The following GRIN2B variants were observed in gnomAD, a reference collection of about 807,000 sequenced individuals.
GRIN2B encodes the protein glutamate receptor ionotropic, NMDA 2B.
GRIN2B carries 5 observed loss-of-function variants against 114.5 expected under a neutral mutation model. The observed-to-expected ratio is 0.04, with a 90% confidence interval of 0.02 to 0.09. The LOEUF (loss-of-function observed/expected upper bound fraction) is 0.09, where lower values mean the gene tolerates loss of function less well. GRIN2B is among the 10% of genes least tolerant of loss of function. The pLI, the probability that GRIN2B is intolerant of heterozygous loss-of-function variation, is 1.00. For synonymous variants in GRIN2B, 787 were observed against 745.1 expected, an observed-to-expected ratio of 1.06 and a Z score of -0.92; for missense variants, 1,108 against 1,943.5, an observed-to-expected ratio of 0.57 and a Z score of 8.08.
At chr12:13,865,369 C>T (rs1205173072) in intron 3 of GRIN2B, among the ~76,000 whole-genome samples, 2 of 152,202 alleles carry the variant, frequency 1.3e-5, no homozygotes, top group African/African-American at 4.8e-5. Flanking sequence ...CGGTGGCTCA[C>T]GCCTGTAATC....
chr12:13,900,246 G>T (rs1866422225), intron 2 of GRIN2B, among the ~76,000 whole-genome samples: 1 of 152,056 alleles, frequency 6.6e-6, no homozygotes, highest in South Asian at 2.1e-4. Context: ...GGCCAAGGAG[G>T]GTGGATCACC....
At chr12:13,812,046 C>T (rs220591) in intron 3 of GRIN2B, among the ~76,000 whole-genome samples, 149,060 of 152,334 alleles carry the variant, frequency 0.98, 73,005 homozygotes, top group Middle Eastern at 1. Flanking sequence ...GCCAATCTTT[C>T]ATAGAAGTCT....
chr12:13,683,957 A>T (rs906910336), intron 4 of GRIN2B: 1 of 152,160 alleles, frequency 6.6e-6, no homozygotes, highest in Non-Finnish European at 1.5e-5. Flanking sequence ...AGCTTGGGAC[A>T]ATGATGTCAT....
chr12:13,948,865 C>T (rs1046151645), intron 2 of GRIN2B, among the ~76,000 whole-genome samples: 1 of 152,046 alleles, frequency 6.6e-6, no homozygotes, highest in Non-Finnish European at 1.5e-5. Context: ...GCATTGTGGT[C>T]CCTCTAAACT....
intron 2 of GRIN2B, among the ~76,000 whole-genome samples, chr12:13,923,616 A>G (rs1164076944): frequency 6.6e-6 from 1 of 152,196 alleles, no homozygotes; most frequent in Non-Finnish European, 1.5e-5. Context: ...GTTTACTAAA[A>G]GTGAATCAGG....
chr12:13,692,712 C>T (rs183570823), intron 4 of GRIN2B, among the ~76,000 whole-genome samples: 2 of 146,340 alleles, frequency 1.4e-5, no homozygotes, highest in South Asian at 2.2e-4. Context: ...ACCCTGAACT[C>T]GAATAGTTGG....
At position 13,572,164 on chromosome 12, in the gene GRIN2B, C is replaced by A. The variant is rs7312845; in HGVS notation, c.2011-200G>T. 0.093 allele frequency among the ~76,000 whole-genome samples: 14,103 copies of A among 152,234 alleles called. 746 individuals carry two copies. The highest frequency in any genetic ancestry group is 0.12 in the African/African-American group (5,161 of 41,518). ...TGCTATCTGAAAGCAGACTTCAATTCAATTCAATTTAGTACATATTGCTGA... is the reference window on the plus strand; with the variant it reads ...TGCTATCTGAAAGCAGACTTCAATTAAATTCAATTTAGTACATATTGCTGA... On this transcript the variant is annotated intron_variant, in intron 10 of 13. Coordinates refer to ENST00000609686, the MANE Select transcript of GRIN2B (RefSeq NM_000834.5).
chr12:13,726,583 A>G (rs945649486), intron 4 of GRIN2B, among the ~76,000 whole-genome samples: 1 of 147,562 alleles, frequency 6.8e-6, no homozygotes, highest in Admixed American at 6.8e-5. Flanking sequence ...AAATATATAT[A>G]TAAATATATA....
At chr12:13,674,212 T>C (rs1950049242) in intron 5 of GRIN2B, among the ~76,000 whole-genome samples, 1 of 151,868 alleles carries the variant, frequency 6.6e-6, no homozygotes, top group African/African-American at 2.4e-5. Context: ...ATTTGAAAGT[T>C]GGCCAGGCAT....
At chr12:13,811,361 G>T (rs1228126823) in intron 3 of GRIN2B, among the ~76,000 whole-genome samples, 1 of 152,174 alleles carries the variant, frequency 6.6e-6, no homozygotes, top group Non-Finnish European at 1.5e-5. Context: ...AGCCAGGAGG[G>T]TCGCTTGAGT....
chr12:13,804,901 T>G (rs1565543777), intron 3 of GRIN2B, among the ~76,000 whole-genome samples: 1 of 152,130 alleles, frequency 6.6e-6, no homozygotes, highest in African/African-American at 2.4e-5. Context: ...GTGTGCACAG[T>G]GGCATCTTGA....
intron 3 of GRIN2B, among the ~76,000 whole-genome samples, chr12:13,826,711 A>G (rs1043533814): frequency 2.0e-5 from 3 of 152,178 alleles, no homozygotes; most frequent in African/African-American, 7.2e-5. Context: ...ACCCCACTAT[A>G]CACTGTTTAG....
chr12:13,602,619 C>A (rs553487263), intron 10 of GRIN2B, among the ~76,000 whole-genome samples: 4 of 152,270 alleles, frequency 2.6e-5, no homozygotes, highest in Non-Finnish European at 5.9e-5. Context: ...TGTTCCAGAA[C>A]GCATATTTAT....
chr12:13,686,781 G>A (rs2136552453), intron 4 of GRIN2B, among the ~76,000 whole-genome samples: 1 of 152,154 alleles, frequency 6.6e-6, no homozygotes, highest in East Asian at 1.9e-4. Flanking sequence ...ATCAAACAAG[G>A]TTGATATGAT....
chr12:13,676,176 C>T (rs763539275), intron 4 of GRIN2B, among the ~76,000 whole-genome samples: 35 of 152,012 alleles, frequency 2.3e-4, no homozygotes, highest in Non-Finnish European at 5.1e-4. Context: ...ACAAGACACA[C>T]TGGGGCCTGT....
chr12:13,761,392 G>GATTCTTGAT (rs1863677531), intron 3 of GRIN2B, among the ~76,000 whole-genome samples: 1 of 152,138 alleles, frequency 6.6e-6, no homozygotes, highest in Non-Finnish European at 1.5e-5. Context: ...ATGTCTACAA[G>GATTCTTGAT]ATTCTTGATA....
intron 10 of GRIN2B, among the ~76,000 whole-genome samples, chr12:13,605,823 T>C (rs1949239598): frequency 6.6e-6 from 1 of 152,154 alleles, no homozygotes; most frequent in African/African-American, 2.4e-5. Flanking sequence ...AAGTGCAGTA[T>C]GCCAAGTAAT....
chr12:13,711,595 A>C (rs1950414763), intron 4 of GRIN2B, among the ~76,000 whole-genome samples: 1 of 152,212 alleles, frequency 6.6e-6, no homozygotes, highest in Non-Finnish European at 1.5e-5. Context: ...TCTCAAAAGA[A>C]GACATTTATG....
chr12:13,820,183 C>T (rs1864907505), intron 3 of GRIN2B, among the ~76,000 whole-genome samples: 1 of 152,178 alleles, frequency 6.6e-6, no homozygotes, highest in Admixed American at 6.5e-5. Flanking sequence ...CAGAGGCTTA[C>T]AGTCCCCATG....
Sources: gnomAD v4.1 joint callset for allele counts (sites outside exome capture counted in the v4.1 genomes callset) on GRCh38, gnomAD v4.1.1 for gene constraint, MANE v1.5 for transcripts, NCBI Gene and HGNC (gene_info 2026-07-23, HGNC 2026-07-21) for gene names.